Variants in NF1 observed in about 807,000 individuals in gnomAD.
The protein encoded by NF1 is neurofibromin.
In NF1, 122 loss-of-function variants were observed where a neutral mutation model predicts 325.7. That is an observed-to-expected ratio of 0.37 (90% CI 0.32 to 0.44). The LOEUF is 0.44. Among genes scored for constraint, NF1 ranks in the 20% least tolerant of loss-of-function variants. The pLI is 1.00. For synonymous variants in NF1, 1,091 were observed against 1,186.0 expected (o/e 0.92, Z 1.65); for missense variants, 2,140 against 3,415.4 (o/e 0.63, Z 9.31).
chr17:31,344,495 C>T (rs1458346895), intron 48 of NF1, among the ~76,000 whole-genome samples: 2 of 152,204 alleles, frequency 1.3e-5, no homozygotes, highest in African/African-American at 4.8e-5. Flanking sequence ...AATAGAGATT[C>T]AAGCTATAGC....
At chr17:31,184,760 G>A (rs1050852550) in intron 8 of NF1, among the ~76,000 whole-genome samples, 11 of 152,122 alleles carry the variant, frequency 7.2e-5, no homozygotes, top group African/African-American at 2.7e-4. Context: ...TGCTAAGATT[G>A]ACCTGAGTGA....
chr17:31,190,088 A>AC lies in NF1; in HGVS notation c.888+7424dup, dbSNP rs1491239107. Among the ~76,000 whole-genome samples the AC allele has an allele frequency of 8.7e-3, 846 of 97,158 alleles. 19 individuals are homozygous for AC. Among genetic ancestry groups the AC allele is most frequent in the Admixed American group, 0.045 (424 of 9,488 alleles). 63.7% of individuals were successfully genotyped at this position (97,158 alleles called of 152,430 possible). On this transcript the variant is annotated intron_variant, in intron 8 of 57. Coordinates refer to ENST00000358273, the MANE Select transcript of NF1 (RefSeq NM_001042492.3). ...AAAAATGTATTTTTAAAAATGTATTACAAAAAAAAAAAAAAAAAAAAGCTG... is the reference window on the plus strand; with the variant it reads ...AAAAATGTATTTTTAAAAATGTATTACCAAAAAAAAAAAAAAAAAAAAGCTG...
Position 31,182,603 on chromosome 17 carries a change from T to G in NF1, c.826T>G (p.Leu276Val). 1 of 1,613,996 alleles carries G rather than the reference T, an allele frequency of 6.2e-7. No homozygotes were observed. The highest frequency in any genetic ancestry group is 8.5e-7 in the Non-Finnish European group (1 of 1,179,922). Residue 276 changes from leucine to valine, a missense_variant, in exon 8 of 58, where the codon TTG becomes GTG. By Grantham distance (32) the Leu-to-Val change is conservative (BLOSUM62 1). Transcript: ENST00000358273. ...GCCACTACAAATCATTCTCCTTATC[T>G]TGTGTCCAGAAATAATCCAGGATAT... ...VWPLQIILLI[L>V]CPEIIQDISK... is the part of the protein sequence containing the mutation.
chr17:31,276,208 C>CAAAAA (rs57914332), intron 36 of NF1, among the ~76,000 whole-genome samples: 1 of 78,914 alleles, frequency 1.3e-5, no homozygotes. Flanking sequence ...GACTCCATCT[C>CAAAAA]AAAAAAAAAA....
chr17:31,295,250 A>G (rs770769318), intron 36 of NF1: 3 of 1,614,124 alleles, frequency 1.9e-6, no homozygotes, highest in Non-Finnish European at 1.7e-6. Flanking sequence ...GTTTGTGACC[A>G]TTCCATCTTG....
chr17:31,349,080 T>C, intron 48 of NF1, 40 bp from the exon 49 acceptor site: 1 of 1,549,650 alleles, frequency 6.5e-7, no homozygotes, highest in Non-Finnish European at 8.7e-7. Flanking sequence ...AAAAAATTAA[T>C]TCTTACTTGT....
chr17:31,230,289 A>C lies in NF1; in HGVS notation c.3020A>C (p.His1007Pro). The change falls in exon 23 of 58, where the codon CAT (histidine) becomes CCT (proline). Residue 1007 changes from histidine (H) to proline (P), a missense_variant. This residue lies in a region of NF1 where 380 missense variants were observed against 639.3 expected (regional missense o/e 0.59). Transcript: ENST00000358273. ...GTTCGTGTGCTTGGGAATATGGTCC[A>C]TGCAATTCAAATAAAAACGAAACTG... is the stretch of plus-strand genomic sequence containing the variant. Reference protein sequence around the residue: ...RYVRVLGNMVHAIQIKTKLCQ... With the variant: ...RYVRVLGNMVPAIQIKTKLCQ... The C allele has an allele frequency of 3.7e-6, 6 of 1,613,396 alleles. No individual in the cohort carries two copies. The highest frequency in any genetic ancestry group is 5.1e-6 in the Non-Finnish European group (6 of 1,179,488).
At chr17:31,161,426 A>G (rs2065759030) in intron 3 of NF1, among the ~76,000 whole-genome samples, 3 of 152,178 alleles carry the variant, frequency 2.0e-5, no homozygotes, top group Admixed American at 1.3e-4. Flanking sequence ...AATTGTACAC[A>G]TTTTTGTTCT....
intron 36 of NF1, chr17:31,304,733 C>G (rs2068661999): frequency 6.2e-7 from 1 of 1,614,140 alleles, no homozygotes; most frequent in Non-Finnish European, 8.5e-7. Flanking sequence ...TCACTTGATT[C>G]AAACAACTTA....
rs1233993511 is a variant in NF1, at chr17:31,336,494, T to C, written c.6147+21T>C. ...GCAAGGTAATCACTTTTCTTTTGCC[T>C]TCTGTACTATAGCATATCTGTTTTA... On this transcript the variant is annotated intron_variant, in intron 41 of 57. Coordinates refer to ENST00000358273, the MANE Select transcript of NF1 (RefSeq NM_001042492.3). The surrounding 1 kb of genome is among the most constrained non-coding windows in gnomAD (Gnocchi z 5.5). The C allele has an allele frequency of 1.2e-6, 2 of 1,613,900 alleles. No homozygotes were observed. The highest frequency in any genetic ancestry group is 3.3e-5 in the Admixed American group (2 of 60,002).
chr17:31,259,700 A>C (rs141365734), intron 33 of NF1, among the ~76,000 whole-genome samples: 1 of 152,332 alleles, frequency 6.6e-6, no homozygotes, highest in East Asian at 1.9e-4. Context: ...AAGTAGGGAT[A>C]AACTCTTTGC....
At chr17:31,133,151 A>G (rs1262410280) in intron 1 of NF1, 3 of 152,134 alleles carry the variant, frequency 2.0e-5, no homozygotes, top group Non-Finnish European at 4.4e-5. Flanking sequence ...CCATTCCTCC[A>G]TGTTCCCAGC....
chr17:31,238,196 A>G (rs767169266), intron 29 of NF1, among the ~76,000 whole-genome samples: 8 of 152,222 alleles, frequency 5.3e-5, no homozygotes, highest in Non-Finnish European at 1.0e-4. Context: ...GGACCCCTGC[A>G]CCTTTGTAAG....
intron 8 of NF1, chr17:31,183,419 A>C (rs1187045855): frequency 6.6e-6 from 1 of 152,270 alleles, no homozygotes; most frequent in African/African-American, 2.4e-5. Flanking sequence ...ACTTTGTAGA[A>C]GTATTGGACC....
At position 31,162,645 on chromosome 17, in the gene NF1, A is replaced by T. The variant is rs17884172; in HGVS notation, c.289-541A>T. 9.5e-3 allele frequency among the ~76,000 whole-genome samples: 1,444 copies of T among 152,356 alleles called. 24 individuals carry two copies. The highest frequency in any genetic ancestry group is 0.033 in the African/African-American group (1,360 of 41,570). On this transcript the variant is annotated intron_variant, in intron 3 of 57. Transcript: ENST00000358273. ...AGTTACATTAGAGAAAATTCTTTTA[A>T]GAGATGCCAAGGCACATGGGGTGAA...
At chr17:31,205,550 A>G (rs970910990) in intron 11 of NF1, among the ~76,000 whole-genome samples, 1 of 152,198 alleles carries the variant, frequency 6.6e-6, no homozygotes, top group Non-Finnish European at 1.5e-5. Flanking sequence ...ACTAAAAACT[A>G]GACATCAGAG....
intron 1 of NF1, among the ~76,000 whole-genome samples, chr17:31,142,268 A>C (rs1916271689): frequency 6.6e-6 from 1 of 152,246 alleles, no homozygotes; most frequent in Non-Finnish European, 1.5e-5. Context: ...CATTTCTTCC[A>C]TTATACCCAA....
Position 31,250,246 on chromosome 17 carries a change from A to G in NF1, c.4110+1127A>G, listed in dbSNP as rs181326511. 4.8e-4 allele frequency: 148 copies of G among 309,034 alleles called. 1 individual carries two copies. The highest frequency in any genetic ancestry group is 2.6e-4 in the Non-Finnish European group (41 of 159,146). The allele number at this position is 309,034 out of a possible 1,614,324, so 19.1% of individuals were successfully genotyped here. A position where few individuals can be genotyped will look rare whatever the true frequency, so the allele number is the denominator to read the frequency against. On this transcript the variant is annotated intron_variant, in intron 30 of 57. Coordinates refer to ENST00000358273, the MANE Select transcript of NF1 (RefSeq NM_001042492.3). ...TCCTGTATAGTTTTTTCAACTAGTT[A>G]AGTCTGAGTCTAAAGGGTAGTTTAG...
intron 36 of NF1, among the ~76,000 whole-genome samples, chr17:31,270,780 C>T (rs987604290): frequency 1.4e-4 from 22 of 152,184 alleles, no homozygotes; most frequent in African/African-American, 4.8e-4. Context: ...GTGCATATTA[C>T]ATAATTTCTC....
Sources: gnomAD v4.1 joint callset for allele counts (sites outside exome capture counted in the v4.1 genomes callset) on GRCh38, gnomAD v4.1.1 for gene constraint, gnomAD v4.1.1 regional missense constraint, Gnocchi (gnomAD v3.1) non-coding constraint, MANE v1.5 for transcripts, NCBI Gene and HGNC (gene_info 2026-07-23, HGNC 2026-07-21) for gene names.